The following NRG3 variants were observed in gnomAD, a reference collection of about 807,000 sequenced individuals.
NRG3 encodes pro-neuregulin-3, membrane-bound isoform.
NRG3 carries 31 observed loss-of-function variants against 66.9 expected under a neutral mutation model. The observed-to-expected ratio is 0.46, with a 90% CI of 0.35 to 0.63. The LOEUF (loss-of-function observed/expected upper bound fraction) is 0.63. Ranked by LOEUF, NRG3 falls within the 20% of genes least tolerant of loss-of-function variation. The pLI, the probability that NRG3 is intolerant of heterozygous loss-of-function variation, is 0.00. For synonymous variants in NRG3, 393 were observed against 359.4 expected (o/e 1.09, Z -1.06); for missense variants, 910 against 878.9 (o/e 1.04, Z -0.45).
chr10:82,934,865 A>G (rs1377476839), intron 4 of NRG3, among the ~76,000 whole-genome samples: 1 of 152,218 alleles, frequency 6.6e-6, no homozygotes, highest in Non-Finnish European at 1.5e-5. Context: ...AGTGGACCAC[A>G]ATGTCCAACA....
intron 1 of NRG3, among the ~76,000 whole-genome samples, chr10:82,301,195 G>A (rs2080382773): frequency 6.6e-6 from 1 of 152,310 alleles, no homozygotes. Flanking sequence ...AAAGACTGCA[G>A]AACAGTTTTC....
intron 1 of NRG3, among the ~76,000 whole-genome samples, chr10:82,139,791 T>G (rs2069636302): frequency 2.0e-5 from 3 of 152,158 alleles, no homozygotes; most frequent in African/African-American, 7.2e-5. Context: ...AAAAAATGAC[T>G]TATAAGCTTG....
intron 1 of NRG3, among the ~76,000 whole-genome samples, chr10:81,978,954 G>A (rs1044796174): frequency 6.6e-6 from 1 of 152,082 alleles, no homozygotes; most frequent in East Asian, 1.9e-4. Flanking sequence ...ACTTTGGGAG[G>A]CCGAGGTGGG....
intron 1 of NRG3, among the ~76,000 whole-genome samples, chr10:82,329,605 T>C (rs1448747017): frequency 1.3e-5 from 2 of 152,174 alleles, no homozygotes; most frequent in Non-Finnish European, 2.9e-5. Context: ...TTAGATCTTT[T>C]GTCATATTGA....
intron 2 of NRG3, among the ~76,000 whole-genome samples, chr10:82,700,009 T>C (rs762923629): frequency 6.6e-6 from 1 of 152,114 alleles, no homozygotes; most frequent in African/African-American, 2.4e-5. Context: ...AGATAAGCCA[T>C]CACACTTTGA....
intron 2 of NRG3, among the ~76,000 whole-genome samples, chr10:82,623,203 T>C (rs1263328768): frequency 1.3e-5 from 2 of 152,198 alleles, no homozygotes; most frequent in African/African-American, 4.8e-5. Flanking sequence ...CTTGATACTT[T>C]GGGACACTTC....
intron 2 of NRG3, among the ~76,000 whole-genome samples, chr10:82,722,965 G>GTA (rs201817622): frequency 0.011 from 1,709 of 151,582 alleles, 26 homozygotes; most frequent in African/African-American, 0.036. Context: ...CCCACTACTA[G>GTA]TATATATATA....
chr10:81,981,262 A>G (rs2133465884), intron 1 of NRG3, among the ~76,000 whole-genome samples: 1 of 152,302 alleles, frequency 6.6e-6, no homozygotes, highest in African/African-American at 2.4e-5. Flanking sequence ...AAAATTGTAC[A>G]AGTTCCGTAT....
chr10:82,438,439 G>C (rs1474726432), intron 2 of NRG3, among the ~76,000 whole-genome samples: 2 of 152,330 alleles, frequency 1.3e-5, no homozygotes, highest in East Asian at 1.9e-4. Context: ...TGTAGAAATG[G>C]GTGCTGCCCT....
At chr10:81,992,519 A>C (rs2060781570) in intron 1 of NRG3, among the ~76,000 whole-genome samples, 1 of 152,226 alleles carries the variant, frequency 6.6e-6, no homozygotes, top group Non-Finnish European at 1.5e-5. Context: ...GTGTTCTCTT[A>C]AGCTCACAAT....
chr10:82,656,268 C>T (rs2051845819), intron 2 of NRG3, among the ~76,000 whole-genome samples: 1 of 149,944 alleles, frequency 6.7e-6, no homozygotes, highest in Admixed American at 6.6e-5. Context: ...ATTACAAGAA[C>T]TTTGGTGATC....
At chr10:82,254,053 C>T (rs2077602399) in intron 1 of NRG3, among the ~76,000 whole-genome samples, 1 of 152,220 alleles carries the variant, frequency 6.6e-6, no homozygotes, top group East Asian at 1.9e-4. Flanking sequence ...CCCTCTACCC[C>T]TGTCTGTTGT....
At chr10:82,052,241 G>A (rs542449555) in intron 1 of NRG3, among the ~76,000 whole-genome samples, 1 of 152,182 alleles carries the variant, frequency 6.6e-6, no homozygotes, top group African/African-American at 2.4e-5. Context: ...CTCACATTTA[G>A]TCTTTCCTAA....
At chr10:82,101,182 T>C (rs938932277) in intron 1 of NRG3, among the ~76,000 whole-genome samples, 6 of 151,964 alleles carry the variant, frequency 3.9e-5, no homozygotes, top group Non-Finnish European at 8.8e-5. Context: ...TCCTTTTGTA[T>C]TCTTGATACT....
intron 4 of NRG3, among the ~76,000 whole-genome samples, chr10:82,910,646 C>T (rs559604091): frequency 2.0e-5 from 3 of 152,304 alleles, no homozygotes; most frequent in Admixed American, 1.3e-4. Flanking sequence ...CCTTAACAAC[C>T]GTTCTGTTCA....
rs116939782 is a variant in NRG3 at position 82,100,308 on chromosome 10, G to A, written c.823+224145G>A. 8.1e-3 allele frequency among the ~76,000 whole-genome samples: 1,232 copies of A among 152,014 alleles called. 8 individuals are homozygous for A. Among genetic ancestry groups the A allele is most frequent in the Middle Eastern group, 0.068 (20 of 292 alleles). ...CTTTGAACTTCCTATGTAGACAATG[G>A]TGTCTTCTATTAATAGGAACAATGT... is the stretch of plus-strand genomic sequence containing the variant. On this transcript the variant is annotated intron_variant, in intron 1 of 8. Transcript: ENST00000372141.
At position 82,820,445 on chromosome 10, in the gene NRG3, ATCACATT is replaced by A. The variant is rs571779628; in HGVS notation, c.1028-44964_1028-44958del. Among the ~76,000 whole-genome samples, 5 of 152,238 alleles carry A rather than the reference ATCACATT, an allele frequency of 3.3e-5. No individual in the cohort carries two copies. The South Asian group carries it at 8.3e-4, about 25-fold the overall frequency. On this transcript the variant is annotated intron_variant, in intron 3 of 8. Transcript: ENST00000372141. ...TGGAAACACCTTATGGTTTTCTCTT[ATCACATT>A]TTATGACTTAGATATCTCTTATGTT...
intron 3 of NRG3, among the ~76,000 whole-genome samples, chr10:82,803,895 G>T (rs61858429): frequency 0.1 from 15,230 of 152,192 alleles, 870 homozygotes; most frequent in Middle Eastern, 0.16. Flanking sequence ...GTCAACCATA[G>T]TCCAAAAATA....
At chr10:82,290,228 C>G (rs2079647408) in intron 1 of NRG3, among the ~76,000 whole-genome samples, 1 of 152,148 alleles carries the variant, frequency 6.6e-6, no homozygotes, top group South Asian at 2.1e-4. Context: ...TATTGGTCAG[C>G]CTGAAGCCTC....
Sources: allele counts gnomAD v4.1 joint callset (sites outside exome capture counted in the v4.1 genomes callset), GRCh38; gene constraint gnomAD v4.1.1; transcripts MANE v1.5; gene names NCBI Gene and HGNC (gene_info 2026-07-23, HGNC 2026-07-21).